SIPA1L1: variants seen among roughly 807,000 people sequenced by gnomAD.
SIPA1L1 encodes the protein signal induced proliferation associated 1 like 1.
Under a neutral mutation model 162.7 loss-of-function variants are expected in SIPA1L1, and 26 were observed. That is an observed-to-expected ratio of 0.16 (90% confidence interval 0.12 to 0.22). The LOEUF (loss-of-function observed/expected upper bound fraction) is 0.22, where lower values mean the gene tolerates loss of function less well. SIPA1L1 is among the 10% of genes least tolerant of loss of function. SIPA1L1 has a pLI of 1.00. For synonymous variants in SIPA1L1, 829 were observed against 837.4 expected, an observed-to-expected ratio of 0.99 and a Z score of 0.17; for missense variants, 1,874 against 2,241.0, an observed-to-expected ratio of 0.84 and a Z score of 3.31.
At chr14:71,683,550 C>T (rs889497065) in intron 12 of SIPA1L1, among the ~76,000 whole-genome samples, 4 of 152,066 alleles carry the variant, frequency 2.6e-5, no homozygotes, top group African/African-American at 7.2e-5. Context: ...TAGTCAGAAA[C>T]GAAAGGCTGT....
chr14:71,573,508 A>G (rs1484885418), intron 4 of SIPA1L1: 2 of 453,364 alleles, frequency 4.4e-6, no homozygotes, highest in African/African-American at 4.0e-5. Context: ...AAAGTTTGGG[A>G]CCTCAAGAGA....
intron 3 of SIPA1L1, among the ~76,000 whole-genome samples, chr14:71,516,241 T>C (rs941286868): frequency 1.3e-5 from 2 of 152,188 alleles, no homozygotes; most frequent in African/African-American, 2.4e-5. Context: ...GTTATATTGA[T>C]TTGAAGAGTT....
intron 2 of SIPA1L1, among the ~76,000 whole-genome samples, chr14:71,511,789 T>TCCATC (rs2051174093): frequency 6.6e-6 from 1 of 152,168 alleles, no homozygotes; most frequent in Admixed American, 6.5e-5. Context: ...TTTGGAACTT[T>TCCATC]CCATCCCATC....
At chr14:71,690,180 CT>C (rs1197456083) in intron 13 of SIPA1L1, among the ~76,000 whole-genome samples, 1 of 152,148 alleles carries the variant, frequency 6.6e-6, no homozygotes, top group Non-Finnish European at 1.5e-5. Context: ...AATCATGGGA[CT>C]TTTGAACTTC....
chr14:71,325,206 G>C (rs1049278185), intron 2 of SIPA1L1, among the ~76,000 whole-genome samples: 19 of 152,122 alleles, frequency 1.2e-4, no homozygotes, highest in Non-Finnish European at 1.5e-4. Context: ...TTTGGTATGG[G>C]AAATCAATTG....
intron 16 of SIPA1L1, among the ~76,000 whole-genome samples, chr14:71,708,828 A>C (rs1343895592): frequency 6.6e-6 from 1 of 152,126 alleles, no homozygotes; most frequent in African/African-American, 2.4e-5. Context: ...CCTTCTATTT[A>C]CTCTGAACAA....
At chr14:71,348,638 C>G (rs1056456838) in intron 2 of SIPA1L1, among the ~76,000 whole-genome samples, 3 of 152,100 alleles carry the variant, frequency 2.0e-5, no homozygotes, top group African/African-American at 7.2e-5. Context: ...TATCTGTGTT[C>G]CGCTTTATTA....
chr14:71,341,250 G>A (rs961324787), intron 2 of SIPA1L1, among the ~76,000 whole-genome samples: 5 of 152,232 alleles, frequency 3.3e-5, no homozygotes, highest in African/African-American at 1.2e-4. Context: ...TAACCACAGA[G>A]TTTTTTCTAG....
chr14:71,451,619 C>T (rs1165347206), intron 2 of SIPA1L1, among the ~76,000 whole-genome samples: 2 of 137,390 alleles, frequency 1.5e-5, no homozygotes, highest in African/African-American at 2.8e-5. Flanking sequence ...TGGGTAACAG[C>T]GAGACCTTGT....
chr14:71,367,598 G>T (rs1286175985), intron 2 of SIPA1L1, among the ~76,000 whole-genome samples: 2 of 146,556 alleles, frequency 1.4e-5, no homozygotes, highest in Admixed American at 1.4e-4. Context: ...GTGAGCCACC[G>T]TGCCCGGCCT....
At chr14:71,663,405 G>A (rs969602726) in intron 10 of SIPA1L1, among the ~76,000 whole-genome samples, 5 of 152,122 alleles carry the variant, frequency 3.3e-5, no homozygotes, top group Admixed American at 6.5e-5. Flanking sequence ...TAATGAAAAG[G>A]TAGATTTAAT....
At chr14:71,486,651 A>T (rs1226603983) in intron 2 of SIPA1L1, among the ~76,000 whole-genome samples, 1 of 152,256 alleles carries the variant, frequency 6.6e-6, no homozygotes, top group East Asian at 1.9e-4. Flanking sequence ...TTAAGTCATG[A>T]ATCTGCCTAA....
intron 4 of SIPA1L1, among the ~76,000 whole-genome samples, chr14:71,575,862 T>C (rs1420633136): frequency 1.3e-5 from 2 of 152,232 alleles, no homozygotes; most frequent in African/African-American, 4.8e-5. Flanking sequence ...ATTACTGTTG[T>C]GAAGGCTCTT....
intron 3 of SIPA1L1, among the ~76,000 whole-genome samples, chr14:71,522,064 G>A (rs2052411478): frequency 6.6e-6 from 1 of 152,184 alleles, no homozygotes; most frequent in Non-Finnish European, 1.5e-5. Context: ...TTGTTTGCCT[G>A]AAAATGTTTA....
At chr14:71,446,459 T>C (rs534142335) in intron 2 of SIPA1L1, among the ~76,000 whole-genome samples, 54 of 152,340 alleles carry the variant, frequency 3.5e-4, no homozygotes, top group Non-Finnish European at 1.0e-4. Context: ...CCCAGCTCTT[T>C]GTGAGGCTGA....
chr14:71,382,317 TA>T (rs1197662772), intron 2 of SIPA1L1, among the ~76,000 whole-genome samples: 3 of 152,208 alleles, frequency 2.0e-5, no homozygotes, highest in Admixed American at 6.5e-5. Flanking sequence ...GGGGTGGTTC[TA>T]GACTAGCTTT....
At chr14:71,413,880 G>A (rs2042580703) in intron 2 of SIPA1L1, 1 of 152,084 alleles carries the variant, frequency 6.6e-6, no homozygotes, top group Admixed American at 6.5e-5. Flanking sequence ...CTTACTATGA[G>A]TTATAGTTGT....
intron 4 of SIPA1L1, among the ~76,000 whole-genome samples, chr14:71,551,996 A>C (rs1002405274): frequency 6.6e-6 from 1 of 152,144 alleles, no homozygotes; most frequent in African/African-American, 2.4e-5. Context: ...AATTTTCTGC[A>C]TGGCACTTCT....
intron 2 of SIPA1L1, among the ~76,000 whole-genome samples, chr14:71,419,199 T>C (rs961259974): frequency 6.6e-6 from 1 of 152,076 alleles, no homozygotes; most frequent in African/African-American, 2.4e-5. Flanking sequence ...TAGTGAATGG[T>C]TGCTGTAGAG....
Sources: gnomAD v4.1 joint callset for allele counts (sites outside exome capture counted in the v4.1 genomes callset) on GRCh38, gnomAD v4.1.1 for gene constraint, MANE v1.5 for transcripts, NCBI Gene and HGNC (gene_info 2026-07-23, HGNC 2026-07-21) for gene names.